The following PHACTR1 variants were observed in gnomAD, a reference collection of about 807,000 sequenced individuals.
The protein encoded by PHACTR1 is phosphatase and actin regulator 1.
Under a neutral mutation model 69.2 loss-of-function variants are expected in PHACTR1, and 16 were observed. That is an observed-to-expected ratio of 0.23 (90% confidence interval 0.16 to 0.35). The LOEUF (loss-of-function observed/expected upper bound fraction) is 0.35, where lower values mean the gene tolerates loss of function less well. PHACTR1 is among the 10% of genes least tolerant of loss of function. The pLI is 1.00. For synonymous variants in PHACTR1, 312 were observed against 284.5 expected, an observed-to-expected ratio of 1.10 and a Z score of -0.97; for missense variants, 510 against 734.7, an observed-to-expected ratio of 0.69 and a Z score of 3.54.
At chr6:13,274,580 G>A (rs1778491039) in intron 11 of PHACTR1, 1 of 152,232 alleles carries the variant, frequency 6.6e-6, no homozygotes, top group African/African-American at 2.4e-5. Flanking sequence ...GCCTCCGGGG[G>A]ATTATTTAGG....
At chr6:12,798,848 T>C (rs1309573680) in intron 4 of PHACTR1, among the ~76,000 whole-genome samples, 1 of 152,256 alleles carries the variant, frequency 6.6e-6, no homozygotes, top group Non-Finnish European at 1.5e-5. Flanking sequence ...GCAAACAGCT[T>C]ATGGCCCTTG....
rs191969892 is a variant in PHACTR1 at position 12,953,994 on chromosome 6, G to A, written c.251-99371G>A. Among the ~76,000 whole-genome samples, 1,202 of 152,212 alleles carry A rather than the reference G, an allele frequency of 7.9e-3. 10 individuals are homozygous for A. Among genetic ancestry groups the A allele is most frequent in the Admixed American group, 0.016 (238 of 15,296 alleles). On this transcript the variant is annotated intron_variant, in intron 4 of 14. Coordinates refer to ENST00000332995, the MANE Select transcript of PHACTR1 (RefSeq NM_030948.6). Reference sequence around the variant, plus strand: ...TTATAATACATTGACTAATAAAAGCGGCGTGATGACATAGGTGAGGAAACT... The same window carrying A: ...TTATAATACATTGACTAATAAAAGCAGCGTGATGACATAGGTGAGGAAACT...
chr6:13,008,191 A>G (rs1799036809), intron 4 of PHACTR1, among the ~76,000 whole-genome samples: 1 of 152,322 alleles, frequency 6.6e-6, no homozygotes, highest in Admixed American at 6.5e-5. Flanking sequence ...AGCCAAAGGA[A>G]CTTTCGCTTT....
chr6:12,903,614 C>T (rs980308309), intron 4 of PHACTR1, among the ~76,000 whole-genome samples: 1 of 152,196 alleles, frequency 6.6e-6, no homozygotes, highest in African/African-American at 2.4e-5. Context: ...AGGTTTATAG[C>T]CTTCTCCCTA....
intron 10 of PHACTR1, among the ~76,000 whole-genome samples, chr6:13,240,142 G>A (rs1406948382): frequency 1.3e-5 from 2 of 152,064 alleles, no homozygotes; most frequent in African/African-American, 4.8e-5. Context: ...TATTCCAGCA[G>A]CATTTCAAAT....
chr6:13,015,391 G>A (rs80093564), intron 4 of PHACTR1, among the ~76,000 whole-genome samples: 1 of 152,150 alleles, frequency 6.6e-6, no homozygotes, highest in African/African-American at 2.4e-5. Flanking sequence ...TTAGGTGTAG[G>A]GGGGATATAC....
intron 10 of PHACTR1, among the ~76,000 whole-genome samples, chr6:13,269,453 C>T (rs561408043): frequency 5.9e-5 from 9 of 152,288 alleles, no homozygotes; most frequent in African/African-American, 2.2e-4. Context: ...CAAATTTAGA[C>T]CCCCTAATAT....
chr6:12,932,070 C>A (rs1024073295), intron 4 of PHACTR1, among the ~76,000 whole-genome samples: 13 of 152,094 alleles, frequency 8.5e-5, no homozygotes, highest in African/African-American at 3.1e-4. Context: ...GACCCGAAAT[C>A]TGTGTTAAAT....
chr6:12,774,115 T>C (rs551384619), intron 4 of PHACTR1, among the ~76,000 whole-genome samples: 13 of 152,194 alleles, frequency 8.5e-5, no homozygotes, highest in Non-Finnish European at 1.6e-4. Flanking sequence ...TTGGTAGTAG[T>C]GTTTTGTTCA....
At chr6:12,832,216 T>G (rs140469224) in intron 4 of PHACTR1, among the ~76,000 whole-genome samples, 2 of 152,222 alleles carry the variant, frequency 1.3e-5, no homozygotes, top group African/African-American at 4.8e-5. Flanking sequence ...TCTCCCACAT[T>G]CTCAAGATAG....
chr6:12,961,279 A>G (rs1582713262), intron 4 of PHACTR1, among the ~76,000 whole-genome samples: 1 of 152,238 alleles, frequency 6.6e-6, no homozygotes, highest in East Asian at 1.9e-4. Context: ...CAGAAAGATG[A>G]GAAACAAGTT....
At chr6:12,914,645 A>G (rs775510774) in intron 4 of PHACTR1, among the ~76,000 whole-genome samples, 4 of 152,154 alleles carry the variant, frequency 2.6e-5, no homozygotes, top group Admixed American at 6.5e-5. Flanking sequence ...CTCAGTCTCA[A>G]TAAGGACCAC....
rs563583788 is a variant in PHACTR1, at chr6:12,800,430, G to C, written c.250+50640G>C. The stretch of plus-strand genomic sequence containing the variant: ...TCTCCCTATTACAAACTTTTTCCTA[G>C]ACTCCAGTTAAACGAATTGATTTTA... On this transcript the variant is annotated intron_variant, in intron 4 of 14. Coordinates refer to ENST00000332995, the MANE Select transcript of PHACTR1 (RefSeq NM_030948.6). 9.2e-5 allele frequency among the ~76,000 whole-genome samples: 14 copies of C among 152,168 alleles called. No homozygotes were observed. In the South Asian group the frequency reaches 2.9e-3, roughly 32 times the overall value.
At chr6:13,006,519 C>T (rs4715049) in intron 4 of PHACTR1, among the ~76,000 whole-genome samples, 55 of 152,080 alleles carry the variant, frequency 3.6e-4, no homozygotes, top group Non-Finnish European at 6.2e-4. Context: ...AATGGAAATA[C>T]TGCTTCTATC....
chr6:12,796,057 A>G (rs903916775), intron 4 of PHACTR1, among the ~76,000 whole-genome samples: 3 of 152,172 alleles, frequency 2.0e-5, no homozygotes, highest in East Asian at 1.9e-4. Context: ...GCCAAAACCA[A>G]CGAAATTGTT....
intron 10 of PHACTR1, among the ~76,000 whole-genome samples, chr6:13,249,463 A>T (rs1283098654): frequency 6.6e-6 from 1 of 152,242 alleles, no homozygotes; most frequent in Non-Finnish European, 1.5e-5. Context: ...AGGCCCCAGA[A>T]GATTACATTT....
rs182739561 is a variant in PHACTR1, at chr6:13,272,767, T to G, written c.1392-93T>G. On this transcript the variant is annotated intron_variant, in intron 10 of 14. Transcript: ENST00000332995. The stretch of plus-strand genomic sequence containing the variant: ...AGGATGGAACAAGAACTCCAGCCAC[T>G]GACTGTCTCATGTATCTGCAAGGGC... The G allele has an allele frequency of 5.6e-3, 9,052 of 1,613,498 alleles. 37 individuals carry two copies. The highest frequency in any genetic ancestry group is 6.6e-3 in the Non-Finnish European group (7,811 of 1,179,638).
chr6:13,226,536 T>G (rs1407550536), intron 8 of PHACTR1, among the ~76,000 whole-genome samples: 1 of 152,194 alleles, frequency 6.6e-6, no homozygotes, highest in Non-Finnish European at 1.5e-5. Context: ...AAATTCCACT[T>G]CCAGTTAATC....
At chr6:13,025,992 C>A (rs1801645772) in intron 4 of PHACTR1, among the ~76,000 whole-genome samples, 1 of 152,120 alleles carries the variant, frequency 6.6e-6, no homozygotes, top group African/African-American at 2.4e-5. Flanking sequence ...GTTTTATAAA[C>A]AAGAGTTGAG....
Sources: allele counts gnomAD v4.1 joint callset (sites outside exome capture counted in the v4.1 genomes callset), GRCh38; gene constraint gnomAD v4.1.1; transcripts MANE v1.5; gene names NCBI Gene and HGNC (gene_info 2026-07-23, HGNC 2026-07-21).